COL24A1: variants seen among roughly 807,000 people sequenced by gnomAD.
COL24A1 encodes the protein collagen type XXIV alpha 1 chain, also known as collagen alpha-1(XXIV) chain.
A neutral mutation model predicts 253.9 loss-of-function variants in COL24A1; 224 were observed. That is an observed-to-expected ratio of 0.88 (90% CI 0.79 to 0.99). The LOEUF is 0.99. Among genes scored for constraint, COL24A1 ranks in the 50% least tolerant of loss-of-function variants. The probability of loss-of-function intolerance (pLI) is 0.00; values close to 1 mark genes in which losing one functional copy is unlikely to be tolerated. For missense variants in COL24A1, 2,131 were observed against 2,068.5 expected, an observed-to-expected ratio of 1.03 and a Z score of -0.59; for synonymous variants, 685 against 673.7, an observed-to-expected ratio of 1.02 and a Z score of -0.26.
chr1:86,128,092 G>T (rs917228252), intron 2 of COL24A1, among the ~76,000 whole-genome samples: 2 of 151,794 alleles, frequency 1.3e-5, no homozygotes, highest in Non-Finnish European at 2.9e-5. Context: ...AGGAATTTAG[G>T]GACATATTTC....
chr1:85,880,136 G>A (rs1262071701), intron 32 of COL24A1, among the ~76,000 whole-genome samples: 1 of 152,124 alleles, frequency 6.6e-6, no homozygotes, highest in Non-Finnish European at 1.5e-5. Context: ...ACAATATTGA[G>A]TCTTTCTACC....
intron 19 of COL24A1, among the ~76,000 whole-genome samples, chr1:85,999,808 T>C (rs967342684): frequency 2.6e-5 from 4 of 152,016 alleles, no homozygotes; most frequent in African/African-American, 7.2e-5. Context: ...GGCAAAGAAA[T>C]AGAACTTTGG....
At position 86,138,866 on chromosome 1, in the gene COL24A1, C is replaced by T. The variant is rs1445692660; in HGVS notation, c.121+7253G>A. Among the ~76,000 whole-genome samples the T allele has an allele frequency of 2.7e-5, 4 of 150,466 alleles. No homozygotes were observed. The East Asian group carries it at 7.9e-4, about 30-fold the overall frequency. ...TTATCTGCTTTTTTTTTTATCTCAT[C>T]CCGTCAGAGCCCTGCTAAGTATATC... On this transcript the variant is annotated intron_variant, in intron 2 of 59. Transcript: ENST00000370571.
intron 3 of COL24A1, among the ~76,000 whole-genome samples, chr1:86,116,679 C>A (rs1706172337): frequency 6.6e-6 from 1 of 152,074 alleles, no homozygotes; most frequent in South Asian, 2.1e-4. Context: ...ATTAACTACT[C>A]CTTGAAACTT....
At chr1:86,107,508 AATTT>A (rs57193756) in intron 5 of COL24A1, among the ~76,000 whole-genome samples, 16,844 of 145,002 alleles carry the variant, frequency 0.12, 1,034 homozygotes, top group East Asian at 0.16. Flanking sequence ...ACACAATGGT[AATTT>A]ATTTATTTAT....
At chr1:86,092,479 A>G (rs1557588484) in intron 5 of COL24A1, among the ~76,000 whole-genome samples, 159 bp from the exon 6 acceptor site, 1 of 151,912 alleles carries the variant, frequency 6.6e-6, no homozygotes, top group Non-Finnish European at 1.5e-5. Context: ...TTTTTAATGT[A>G]TATTTTTCTT....
At chr1:85,740,056 A>G (rs955198720) in intron 57 of COL24A1, among the ~76,000 whole-genome samples, 15 of 152,108 alleles carry the variant, frequency 9.9e-5, no homozygotes, top group African/African-American at 3.6e-4. Context: ...TTACTATAGT[A>G]ATGTCCTTAT....
chr1:85,849,454 G>T, intron 37 of COL24A1, 48 bp from the exon 38 acceptor site: 2 of 1,381,978 alleles, frequency 1.4e-6, no homozygotes, highest in South Asian at 1.2e-5. Flanking sequence ...AAGAAAAGAT[G>T]AGATGGAGTA....
intron 53 of COL24A1, among the ~76,000 whole-genome samples, chr1:85,766,368 C>CAAAAAA (rs1319642983): frequency 6.0e-5 from 4 of 66,270 alleles, no homozygotes; most frequent in African/African-American, 1.3e-4. Flanking sequence ...GACTCTGTCT[C>CAAAAAA]AAAAAAAAAA....
At chr1:85,869,479 T>A (rs1353246258) in intron 35 of COL24A1, among the ~76,000 whole-genome samples, 2 of 152,172 alleles carry the variant, frequency 1.3e-5, no homozygotes, top group African/African-American at 4.8e-5. Context: ...GGAAAGCCCA[T>A]CAGACTAACA....
intron 53 of COL24A1, among the ~76,000 whole-genome samples, chr1:85,770,100 T>C (rs538916064): frequency 2.0e-5 from 3 of 152,310 alleles, no homozygotes; most frequent in East Asian, 1.9e-4. Flanking sequence ...CTTGGAAATA[T>C]AGCTTCACTG....
At chr1:85,910,407 G>C (rs1026995123) in intron 25 of COL24A1, among the ~76,000 whole-genome samples, 1 of 151,860 alleles carries the variant, frequency 6.6e-6, no homozygotes, top group Non-Finnish European at 1.5e-5. Flanking sequence ...AACCATTTAA[G>C]AAAATTTTAT....
chr1:85,963,376 C>T (rs1691249350), intron 23 of COL24A1, among the ~76,000 whole-genome samples: 1 of 152,084 alleles, frequency 6.6e-6, no homozygotes, highest in South Asian at 2.1e-4. Context: ...TCCCTCCTTA[C>T]CCATAAGTTA....
intron 7 of COL24A1, among the ~76,000 whole-genome samples, chr1:86,065,982 AAG>A (rs1285544376): frequency 5.3e-5 from 8 of 152,172 alleles, no homozygotes. Flanking sequence ...AAATTATGTT[AAG>A]ACAGTTGTCA....
At chr1:85,759,105 C>T (rs1666575661) in intron 55 of COL24A1, among the ~76,000 whole-genome samples, 1 of 152,246 alleles carries the variant, frequency 6.6e-6, no homozygotes, top group Admixed American at 6.5e-5. Flanking sequence ...GAAATAACTG[C>T]TTAATAATTA....
At chr1:85,779,460 T>A (rs1239103721) in intron 52 of COL24A1, among the ~76,000 whole-genome samples, 2 of 152,164 alleles carry the variant, frequency 1.3e-5, no homozygotes, top group Non-Finnish European at 2.9e-5. Context: ...ATAAGCCTAA[T>A]TATGAAGCCA....
chr1:86,140,350 G>A (rs886799109), intron 2 of COL24A1, among the ~76,000 whole-genome samples: 7 of 152,148 alleles, frequency 4.6e-5, no homozygotes, highest in Non-Finnish European at 7.4e-5. Flanking sequence ...GGTGGCAATC[G>A]TTTCTTAGAA....
In COL24A1 at chr1:85,838,693, G is replaced by A. The variant is rs575438634; in HGVS notation, c.3628-55C>T. 1.3e-5 allele frequency: 19 copies of A among 1,480,522 alleles called. No individual in the cohort carries two copies. The Admixed American group carries it at 2.1e-4, about 16-fold the overall frequency. The allele number at this position is 1,480,522 out of a possible 1,614,324, so 91.7% of individuals were successfully genotyped here. ...TTTACAGCTGGATCAAAGTATATGC[G>A]AATGCAGGTGATAAGATTAGTGTTG... On this transcript the variant is annotated intron_variant, in intron 42 of 59. Coordinates refer to ENST00000370571, the MANE Select transcript of COL24A1 (RefSeq NM_152890.7).
chr1:85,872,063 C>T (rs1044196070), intron 35 of COL24A1, among the ~76,000 whole-genome samples: 1 of 150,560 alleles, frequency 6.6e-6, no homozygotes, highest in Non-Finnish European at 1.5e-5. Context: ...AACAGACAAA[C>T]AGCCAAATCA....
Sources: gnomAD v4.1 joint callset for allele counts (sites outside exome capture counted in the v4.1 genomes callset) on GRCh38, gnomAD v4.1.1 for gene constraint, MANE v1.5 for transcripts, NCBI Gene and HGNC (gene_info 2026-07-23, HGNC 2026-07-21) for gene names.